RAP1GAP2: variants seen among roughly 807,000 people sequenced by gnomAD.
The protein encoded by RAP1GAP2 is rap1 GTPase-activating protein 2.
In RAP1GAP2, 27 loss-of-function variants were observed where a neutral mutation model predicts 95.0. That is an observed-to-expected ratio of 0.28 (90% CI 0.21 to 0.39). The LOEUF is 0.39. RAP1GAP2 is among the 10% of genes least tolerant of loss of function. RAP1GAP2 has a pLI of 1.00. For missense variants in RAP1GAP2, 771 were observed against 970.0 expected (o/e 0.79, Z 2.72); for synonymous variants, 373 against 380.9 (o/e 0.98, Z 0.24).
At chr17:3,018,222 C>T (rs753283621) in intron 18 of RAP1GAP2, 24 bp downstream of exon 18, 200 of 1,540,824 alleles carry the variant, frequency 1.3e-4, no homozygotes, top group African/African-American at 1.8e-4. Flanking sequence ...GGCCCCGGGG[C>T]GGCAAGTGGG....
chr17:2,923,807 C>T (rs1047310417), intron 3 of RAP1GAP2, among the ~76,000 whole-genome samples: 18 of 152,146 alleles, frequency 1.2e-4, no homozygotes, highest in Admixed American at 3.3e-4. Context: ...ATAATCCTAC[C>T]ATCCAGAAAT....
chr17:2,812,990 C>CAA (rs748557335), intron 2 of RAP1GAP2, among the ~76,000 whole-genome samples: 169 of 137,040 alleles, frequency 1.2e-3, no homozygotes, highest in African/African-American at 2.9e-3. Flanking sequence ...AACTCCGTCT[C>CAA]AAAAAAAAAA....
rs1227635346 is a variant in RAP1GAP2, at chr17:2,797,620, T to A, written c.44+1049T>A. On this transcript the variant is annotated intron_variant, in intron 1 of 24. Transcript: ENST00000254695. The surrounding 1 kb of genome is among the most constrained non-coding windows in gnomAD (Gnocchi z 5.6). ...TGTGTGTGGCTTATTTCCCTCTTCC[T>A]CCTCTTCAAAAGCACTTTGCCATCC... 1 of 882,286 alleles carries A rather than the reference T, an allele frequency of 1.1e-6. No individual in the cohort carries two copies. Among genetic ancestry groups the A allele is most frequent in the African/African-American group, 1.8e-5 (1 of 55,124 alleles). 54.7% of individuals were successfully genotyped at this position (882,286 alleles called of 1,614,324 possible).
At chr17:2,894,495 C>T (rs1178035320) in intron 2 of RAP1GAP2, among the ~76,000 whole-genome samples, 1 of 152,196 alleles carries the variant, frequency 6.6e-6, no homozygotes, top group African/African-American at 2.4e-5. Context: ...GCCTCCACCC[C>T]TCCCGTGGCC....
At chr17:2,860,895 C>T (rs962719707) in intron 2 of RAP1GAP2, among the ~76,000 whole-genome samples, 9 of 152,090 alleles carry the variant, frequency 5.9e-5, no homozygotes, top group African/African-American at 4.8e-5. Context: ...TGTGAGTCAC[C>T]GCGCCTGGCC....
chr17:2,910,685 G>A (rs940755654), intron 3 of RAP1GAP2, among the ~76,000 whole-genome samples: 1 of 152,132 alleles, frequency 6.6e-6, no homozygotes, highest in Non-Finnish European at 1.5e-5. Context: ...CCAACGCAAC[G>A]CCGTTCCTCC....
chr17:2,940,802 C>T (rs1226347909), intron 3 of RAP1GAP2, among the ~76,000 whole-genome samples: 1 of 152,194 alleles, frequency 6.6e-6, no homozygotes, highest in African/African-American at 2.4e-5. Flanking sequence ...TGCTGCCAGC[C>T]CGGGACTGGC....
intron 1 of RAP1GAP2, among the ~76,000 whole-genome samples, chr17:2,762,893 C>G (rs1029936462): frequency 2.0e-5 from 3 of 152,050 alleles, no homozygotes; most frequent in African/African-American, 7.2e-5. Context: ...CCACGCTGGT[C>G]TCGAACTCCC....
At chr17:3,024,140 A>G (rs1374912495) in intron 19 of RAP1GAP2, among the ~76,000 whole-genome samples, 1 of 152,154 alleles carries the variant, frequency 6.6e-6, no homozygotes, top group Non-Finnish European at 1.5e-5. Flanking sequence ...ATTTAAGGGC[A>G]GGTGGAGAAG....
chr17:2,896,155 C>T (rs1451726302), intron 2 of RAP1GAP2, among the ~76,000 whole-genome samples: 4 of 152,174 alleles, frequency 2.6e-5, no homozygotes, highest in Non-Finnish European at 5.9e-5. Flanking sequence ...TCTCTTGTTT[C>T]ACCCCATGAC....
intron 1 of RAP1GAP2, among the ~76,000 whole-genome samples, chr17:2,783,900 C>T (rs776846984): frequency 1.3e-5 from 2 of 152,204 alleles, no homozygotes; most frequent in Non-Finnish European, 2.9e-5. Flanking sequence ...GGGCTTCCTC[C>T]CAGCATGGTG....
intron 1 of RAP1GAP2, among the ~76,000 whole-genome samples, chr17:2,784,339 C>T (rs540763516): frequency 2.0e-5 from 3 of 151,824 alleles, no homozygotes; most frequent in East Asian, 3.9e-4. Context: ...GGCGTGATCT[C>T]GGCTCACTGC....
At chr17:2,911,329 A>G (rs1019948887) in intron 3 of RAP1GAP2, among the ~76,000 whole-genome samples, 4 of 150,392 alleles carry the variant, frequency 2.7e-5, no homozygotes, top group African/African-American at 1.0e-4. Flanking sequence ...TGGGCTGAAT[A>G]AGATCCCAGT....
Position 3,034,996 on chromosome 17 carries a change from A to G in RAP1GAP2, c.*1635A>G, listed in dbSNP as rs555700407. 8.7e-6 allele frequency: 1 copy of G among 115,544 alleles called. No homozygotes were observed. The highest frequency in any genetic ancestry group is 2.7e-4 in the South Asian group (1 of 3,710). The allele number at this position is 115,544 out of a possible 1,614,324, so 7.2% of individuals were successfully genotyped here. A position where few individuals can be genotyped will look rare whatever the true frequency, so the allele number is the denominator to read the frequency against. On this transcript the variant is annotated 3_prime_UTR_variant, in exon 25 of 25. Transcript: ENST00000254695. This position sits in a 1 kb window ranked among gnomAD's most constrained non-coding sequence, Gnocchi z 5.1. ...ACTACACTTTTTTTTTTTTTTTTTAACTGACATTGTGAAATTCTCCCTATA... is the reference window on the plus strand; with the variant it reads ...ACTACACTTTTTTTTTTTTTTTTTAGCTGACATTGTGAAATTCTCCCTATA...
chr17:2,819,168 G>T (rs1171267943), intron 2 of RAP1GAP2, among the ~76,000 whole-genome samples: 1 of 151,694 alleles, frequency 6.6e-6, no homozygotes, highest in African/African-American at 2.4e-5. Context: ...ACAGGCGCCC[G>T]CTACCACACC....
chr17:2,900,572 G>C (rs2041995639), intron 2 of RAP1GAP2, among the ~76,000 whole-genome samples: 1 of 151,956 alleles, frequency 6.6e-6, no homozygotes, highest in South Asian at 2.1e-4. Flanking sequence ...CTCTCAAGTA[G>C]CTGGGATTAC....
chr17:2,854,538 C>A (rs899514196), intron 2 of RAP1GAP2, among the ~76,000 whole-genome samples: 4 of 152,250 alleles, frequency 2.6e-5, no homozygotes, highest in Non-Finnish European at 5.9e-5. Context: ...CGCTCGGTGC[C>A]GGCAGGCGAG....
At position 2,957,810 on chromosome 17, in the gene RAP1GAP2, C is replaced by G. The variant is rs188002259; in HGVS notation, c.201+16C>G. On this transcript the variant is annotated intron_variant, in intron 4 of 24. Coordinates refer to ENST00000254695, the MANE Select transcript of RAP1GAP2 (RefSeq NM_015085.5). Reference sequence around the variant, plus strand: ...GAAAATGCAGGTGAGTACGTACCCCCACCGTGGCGGGGAAGAAGCCCAGCC... The same window carrying G: ...GAAAATGCAGGTGAGTACGTACCCCGACCGTGGCGGGGAAGAAGCCCAGCC... 3 of 1,576,436 alleles carry G rather than the reference C, an allele frequency of 1.9e-6. No individual in the cohort carries two copies. In the African/African-American group the frequency reaches 4.1e-5, roughly 22 times the overall value.
upstream of RAP1GAP2, among the ~76,000 whole-genome samples, chr17:2,773,087 G>A (rs111518402): frequency 5.9e-5 from 9 of 151,560 alleles, no homozygotes; most frequent in African/African-American, 1.7e-4. Flanking sequence ...CGAACTCCTC[G>A]AACTCCTCCC....
Sources: gnomAD v4.1 joint callset for allele counts (sites outside exome capture counted in the v4.1 genomes callset) on GRCh38, gnomAD v4.1.1 for gene constraint, Gnocchi (gnomAD v3.1) non-coding constraint, MANE v1.5 for transcripts, NCBI Gene and HGNC (gene_info 2026-07-23, HGNC 2026-07-21) for gene names.